The following ADGRV1 variants were observed in gnomAD, a reference collection of about 807,000 sequenced individuals.
ADGRV1 encodes the protein G-protein coupled receptor 98.
In ADGRV1, 359 loss-of-function variants were observed where a neutral mutation model predicts 596.2. That is an observed-to-expected ratio of 0.60 (90% CI 0.55 to 0.66). The LOEUF (loss-of-function observed/expected upper bound fraction) is 0.66. Among genes scored for constraint, ADGRV1 ranks in the 30% least tolerant of loss-of-function variants. The pLI, the probability that ADGRV1 is intolerant of heterozygous loss-of-function variation, is 0.00. For missense variants in ADGRV1, 7,274 were observed against 7,575.6 expected (o/e 0.96, Z 1.48); for synonymous variants, 2,681 against 2,679.2 (o/e 1.00, Z -0.02).
chr5:90,562,750 A>C (rs1371395111), intron 1 of ADGRV1, among the ~76,000 whole-genome samples: 1 of 152,216 alleles, frequency 6.6e-6, no homozygotes, highest in Non-Finnish European at 1.5e-5. Flanking sequence ...TTGTCCATAA[A>C]TGAGTCTTGA....
chr5:90,723,980 G>A (rs1361127909), intron 45 of ADGRV1, among the ~76,000 whole-genome samples: 1 of 151,448 alleles, frequency 6.6e-6, no homozygotes, highest in Non-Finnish European at 1.5e-5. Context: ...AGTTGTAGCA[G>A]TTTGATAAAA....
In ADGRV1 at chr5:90,965,645, C is replaced by T. The variant is rs949484482; in HGVS notation, c.17973+114C>T. 5.3e-6 allele frequency: 3 copies of T among 565,806 alleles called. No homozygotes were observed. The African/African-American group carries it at 5.6e-5, about 11-fold the overall frequency. The allele number at this position is 565,806 out of a possible 1,614,324, so 35.0% of individuals were successfully genotyped here. A position where few individuals can be genotyped will look rare whatever the true frequency, so the allele number is the denominator to read the frequency against. ...TAGAAGTAATTCCGTATATCCATCA[C>T]TGCATTCTCAGGATATAAATGACAA... On this transcript the variant is annotated intron_variant, in intron 84 of 89. Coordinates refer to ENST00000405460, the MANE Select transcript of ADGRV1 (RefSeq NM_032119.4).
intron 83 of ADGRV1, among the ~76,000 whole-genome samples, chr5:90,870,413 C>T (rs375314726): frequency 1.2e-4 from 19 of 152,214 alleles, no homozygotes; most frequent in African/African-American, 4.3e-4. Flanking sequence ...GGCTCCAAAA[C>T]TCACGTATTT....
chr5:90,721,529 A>T (rs867863248), intron 45 of ADGRV1, among the ~76,000 whole-genome samples: 2,681 of 17,344 alleles, frequency 0.15, 69 homozygotes, highest in Admixed American at 0.17. Context: ...TAAAATAAAA[A>T]TAAAAATAAA....
intron 1 of ADGRV1, 98 bp downstream of exon 1, chr5:90,559,015 G>T (rs1254596991): frequency 6.1e-6 from 7 of 1,138,902 alleles, no homozygotes; most frequent in Non-Finnish European, 8.4e-6. Context: ...GGCGAGGGCG[G>T]CGCGGAGGGC....
chr5:91,036,090 A>T (rs1271654536), intron 85 of ADGRV1, among the ~76,000 whole-genome samples: 1 of 129,304 alleles, frequency 7.7e-6, no homozygotes, highest in Non-Finnish European at 1.7e-5. Context: ...ATATACACTA[A>T]ATGAATTCAC....
chr5:90,993,307 C>T (rs1449619391), intron 85 of ADGRV1, among the ~76,000 whole-genome samples: 1 of 151,864 alleles, frequency 6.6e-6, no homozygotes, highest in African/African-American at 2.4e-5. Context: ...TATAGGTACG[C>T]ACCACCATGC....
chr5:90,831,460 T>TG (rs1294688674), intron 77 of ADGRV1, among the ~76,000 whole-genome samples: 2 of 152,120 alleles, frequency 1.3e-5, no homozygotes, highest in Non-Finnish European at 2.9e-5. Context: ...TATATATTAA[T>TG]GGGATACATG....
intron 21 of ADGRV1, among the ~76,000 whole-genome samples, chr5:90,671,980 C>A (rs956441899): frequency 6.6e-6 from 1 of 152,100 alleles, no homozygotes; most frequent in African/African-American, 2.4e-5. Context: ...ACTGTTGTTC[C>A]CACACTAGGC....
intron 85 of ADGRV1, among the ~76,000 whole-genome samples, chr5:91,016,885 TGAAAAGGGAAG>T (rs1387042312): frequency 4.7e-4 from 71 of 151,808 alleles, no homozygotes; most frequent in African/African-American, 1.7e-3. Flanking sequence ...AGTACAGGGA[TGAAAAGGGAAG>T]CTAATGAGGG....
At chr5:90,675,945 A>T in intron 24 of ADGRV1, 135 bp from the exon 25 acceptor site, 1 of 597,406 alleles carries the variant, frequency 1.7e-6, no homozygotes, top group East Asian at 3.2e-5. Flanking sequence ...GTTGTATTTT[A>T]CTTGTCTTCT....
At chr5:90,912,812 T>G (rs1486906475) in intron 83 of ADGRV1, among the ~76,000 whole-genome samples, 8 of 152,162 alleles carry the variant, frequency 5.3e-5, no homozygotes, top group Admixed American at 5.2e-4. Context: ...CTCTATCCAG[T>G]GGACTGTTGA....
chr5:90,705,673 G>C, intron 37 of ADGRV1, 94 bp downstream of exon 37: 1 of 957,732 alleles, frequency 1.0e-6, no homozygotes, highest in South Asian at 1.7e-5. Context: ...ATAAATCGGG[G>C]ACAGGAGAAA....
intron 86 of ADGRV1, among the ~76,000 whole-genome samples, chr5:91,079,160 T>C (rs1789113533): frequency 1.3e-5 from 2 of 152,186 alleles, no homozygotes; most frequent in African/African-American, 2.4e-5. Flanking sequence ...GGCAGTTAGA[T>C]GCCTGTTTGC....
rs1356241958 is a variant in ADGRV1, at chr5:90,642,892, A to C, written c.2404A>C (p.Arg802=). 1.2e-6 allele frequency: 2 copies of C among 1,611,194 alleles called. No individual in the cohort carries two copies. Among genetic ancestry groups the C allele is most frequent in the Admixed American group, 1.7e-5 (1 of 59,706 alleles). ...ESVELHIIRS[R]GSLVKQFLHY... ...TGTAGAGCTCCACATCATCCGATCA[A>C]GGGGGTCCCTTGTTAAGCAGTTTCT... Residue 802 remains arginine, a synonymous_variant, in exon 13 of 90, where the codon AGG becomes CGG. Transcript: ENST00000405460.
intron 82 of ADGRV1, among the ~76,000 whole-genome samples, chr5:90,861,070 A>G (rs528675637): frequency 5.0e-4 from 76 of 152,290 alleles, no homozygotes; most frequent in African/African-American, 1.5e-3. Context: ...GTAGTCCAGT[A>G]TGATAATAAA....
chr5:90,611,394 T>A lies in ADGRV1; in HGVS notation c.23-3441T>A, dbSNP rs535685471. Among the ~76,000 whole-genome samples the A allele has an allele frequency of 7.0e-4, 106 of 152,112 alleles. 1 individual carries two copies. The highest frequency in any genetic ancestry group is 2.5e-3 in the African/African-American group (103 of 41,534). ...AATAAGCAAGAAATTAAATTACATA[T>A]CATCTTAGCATGCTAAGAGATCTAT... On this transcript the variant is annotated intron_variant, in intron 1 of 89. Coordinates refer to ENST00000405460, the MANE Select transcript of ADGRV1 (RefSeq NM_032119.4).
At chr5:90,673,565 C>G (rs191729613) in intron 22 of ADGRV1, among the ~76,000 whole-genome samples, 1 of 152,194 alleles carries the variant, frequency 6.6e-6, no homozygotes, top group Admixed American at 6.5e-5. Context: ...GCTGGGACGT[C>G]TGAGAGCAGG....
chr5:90,945,988 AAG>A (rs1404828510), intron 83 of ADGRV1, among the ~76,000 whole-genome samples: 2 of 54,162 alleles, frequency 3.7e-5, no homozygotes, highest in Non-Finnish European at 1.2e-4. Context: ...TCTCAAAAAA[AAG>A]AAGGGAAGGA....
Sources: gnomAD v4.1 joint callset for allele counts (sites outside exome capture counted in the v4.1 genomes callset) on GRCh38, gnomAD v4.1.1 for gene constraint, MANE v1.5 for transcripts, NCBI Gene and HGNC (gene_info 2026-07-23, HGNC 2026-07-21) for gene names.